Variants in AWAT2 observed in about 807,000 individuals in gnomAD.
AWAT2 encodes acyl-CoA wax alcohol acyltransferase 2, also known as 11-cis-RE-synthase.
Under a neutral mutation model 22.3 loss-of-function variants are expected in AWAT2, and 9 were observed. That is an observed-to-expected ratio of 0.40 (90% CI 0.24 to 0.70). The LOEUF (loss-of-function observed/expected upper bound fraction) is 0.70, where lower values mean the gene tolerates loss of function less well. AWAT2 is among the 30% of genes least tolerant of loss of function. AWAT2 has a pLI of 0.36. For synonymous variants in AWAT2, 100 were observed against 93.4 expected, an observed-to-expected ratio of 1.07 and a Z score of -0.40; for missense variants, 217 against 265.9, an observed-to-expected ratio of 0.82 and a Z score of 1.28.
In AWAT2 at chrX:70,044,465, G is replaced by A. The variant is rs766105601; in HGVS notation, c.86-3C>T. The A allele has an allele frequency of 9.9e-6, 12 of 1,207,706 alleles. No individual in the cohort carries two copies. Among genetic ancestry groups the A allele is most frequent in the Non-Finnish European group, 1.3e-5 (12 of 894,055 alleles). ...GTTGACAGCAATCACAGTGGTTGCT[G>A]CAGGAAGCCCAGACCAGAGTTAATG... On this transcript the variant is annotated splice_polypyrimidine_tract_variant and splice_region_variant and intron_variant, in intron 1 of 7. Coordinates refer to ENST00000276101, the MANE Select transcript of AWAT2 (RefSeq NM_001002254.1).
chrX:70,049,901 G>T lies in AWAT2; in HGVS notation c.32C>A (p.Thr11Asn). 1 of 1,211,844 alleles carries T rather than the reference G, an allele frequency of 8.3e-7. No homozygotes were observed. Among genetic ancestry groups the T allele is most frequent in the Non-Finnish European group, 1.1e-6 (1 of 895,549 alleles). MLLPSKKDLK[T>N]ALDVFAVFQW... ...GAAAACAGCAAAGACATCCAGGGCAGTCTTGAGGTCCTTCTTAGAGGGCAA... is the reference window on the plus strand; with the variant it reads ...GAAAACAGCAAAGACATCCAGGGCATTCTTGAGGTCCTTCTTAGAGGGCAA... The change falls in exon 1 of 8, where the codon ACT (threonine) becomes AAT (asparagine). Residue 11 changes from threonine (T) to asparagine (N), a missense_variant. Coordinates refer to ENST00000276101, the MANE Select transcript of AWAT2 (RefSeq NM_001002254.1).
intron 1 of AWAT2, among the ~76,000 whole-genome samples, chrX:70,048,392 A>G (rs751657745): frequency 3.9e-4 from 44 of 111,519 alleles, no homozygotes; most frequent in Non-Finnish European, 2.3e-4. Context: ...CAATAAATAT[A>G]TATCGAGCAC....
At position 70,041,363 on chromosome X, in the gene AWAT2, C is replaced by T. The variant is rs150133550; in HGVS notation, c.*295G>A. ...GCCCCAGTCCTACTCCTGTAGGAAG[C>T]AGGACTCAATGCCAGAAGATGGGGC... On this transcript the variant is annotated 3_prime_UTR_variant, in exon 8 of 8. Coordinates refer to ENST00000276101, the MANE Select transcript of AWAT2 (RefSeq NM_001002254.1). 0.016 allele frequency: 1,814 copies of T among 115,317 alleles called. 12 individuals carry two copies. Among genetic ancestry groups the T allele is most frequent in the Non-Finnish European group, 0.022 (1,246 of 55,499 alleles). The allele number at this position is 115,317 out of a possible 1,213,427, so 9.5% of individuals were successfully genotyped here. A position where few individuals can be genotyped will look rare whatever the true frequency, so the allele number is the denominator to read the frequency against.
intron 1 of AWAT2, among the ~76,000 whole-genome samples, chrX:70,047,494 A>ACAT: frequency 8.9e-6 from 1 of 111,932 alleles, no homozygotes; most frequent in South Asian, 3.8e-4. Context: ...AGTGCTGGGG[A>ACAT]CATCTTGTAA....
In AWAT2 at chrX:70,049,893, C is replaced by A. The variant is rs1156968883; in HGVS notation, c.40G>T (p.Asp14Tyr). The A allele has an allele frequency of 1.7e-6, 2 of 1,211,692 alleles. No homozygotes were observed. Among genetic ancestry groups the A allele is most frequent in the Non-Finnish European group, 1.1e-6 (1 of 895,495 alleles). Residue 14 changes from aspartate to tyrosine, a missense_variant, in exon 1 of 8, where the codon GAT (aspartate) becomes TAT (tyrosine). By Grantham distance (160) the Asp-to-Tyr change is radical (BLOSUM62 -3). Transcript: ENST00000276101. ...GACCACTGGAAAACAGCAAAGACAT[C>A]CAGGGCAGTCTTGAGGTCCTTCTTA... is the stretch of plus-strand genomic sequence containing the variant. The part of the protein sequence containing the change: ...PSKKDLKTAL[D>Y]VFAVFQWSFS...
In AWAT2 at chrX:70,049,830, C is replaced by A; in HGVS notation, c.85+18G>T. The A allele has an allele frequency of 8.3e-7, 1 of 1,210,145 alleles. No individual in the cohort carries two copies. The highest frequency in any genetic ancestry group is 1.8e-5 in the South Asian group (1 of 56,731). On this transcript the variant is annotated intron_variant, in intron 1 of 7. Coordinates refer to ENST00000276101, the MANE Select transcript of AWAT2 (RefSeq NM_001002254.1). ...AAGCCAGGATGGTTGGTCACCCTAC[C>A]AAAGGCTGAAGACTCACTGATAAGC...
chrX:70,042,065 C>A lies in AWAT2; in HGVS notation c.848-103G>T, dbSNP rs1446159116. On this transcript the variant is annotated intron_variant, in intron 6 of 7. Transcript: ENST00000276101. ...CCCAGACTCTTCCCCATCCTCACCT[C>A]AAAAAGCTGCCACTCATCCCAGCCA... The A allele has an allele frequency of 8.3e-6, 9 of 1,090,878 alleles. No individual in the cohort carries two copies. The African/African-American group carries it at 1.5e-4, about 18-fold the overall frequency. The allele number at this position is 1,090,878 out of a possible 1,213,427, so 89.9% of individuals were successfully genotyped here.
intron 1 of AWAT2, among the ~76,000 whole-genome samples, chrX:70,044,684 T>C (rs1456443956): frequency 2.7e-5 from 3 of 112,289 alleles, no homozygotes; most frequent in Non-Finnish European, 5.6e-5. Context: ...AGGGAAGGTG[T>C]CTTCTTCCCC....
At position 70,040,664 on chromosome X, in the gene AWAT2, C is replaced by T. The variant is rs1180656744; in HGVS notation, c.*994G>A. 2 of 112,417 alleles carry T rather than the reference C, an allele frequency of 1.8e-5. No homozygotes were observed. The highest frequency in any genetic ancestry group is 6.5e-5 in the African/African-American group (2 of 30,924). 9.3% of individuals were successfully genotyped at this position (112,417 alleles called of 1,213,427 possible). A position where few individuals can be genotyped will look rare whatever the true frequency, so the allele number is the denominator to read the frequency against. On this transcript the variant is annotated 3_prime_UTR_variant, in exon 8 of 8. Coordinates refer to ENST00000276101, the MANE Select transcript of AWAT2 (RefSeq NM_001002254.1). ...ACTGTATACAAATCATCACATGAGG[C>T]AGGCACCCAGGATAGAGGCAGCAGC...
intron 1 of AWAT2, among the ~76,000 whole-genome samples, chrX:70,046,206 T>A (rs1206374443): frequency 8.9e-6 from 1 of 112,003 alleles, no homozygotes; most frequent in East Asian, 2.8e-4. Context: ...TTCTAATAGA[T>A]AATAAAAGAA....
At chrX:70,043,328 G>A (rs1425688069) in intron 4 of AWAT2, 85 bp from the exon 5 acceptor site, 12 of 1,042,928 alleles carry the variant, frequency 1.2e-5, no homozygotes, top group Non-Finnish European at 1.6e-5. Flanking sequence ...GAGGGGGAGT[G>A]CAAGGAGCCT....
chrX:70,043,051 G>A lies in AWAT2; in HGVS notation c.647+18C>T, dbSNP rs1223863240. On this transcript the variant is annotated intron_variant, in intron 5 of 7. Coordinates refer to ENST00000276101, the MANE Select transcript of AWAT2 (RefSeq NM_001002254.1). ...CTTTTGGATCCCTTCCGCCAGCCTG[G>A]ACTGGAGCTGTCCTTACCCATGCTG... 11 of 1,167,123 alleles carry A rather than the reference G, an allele frequency of 9.4e-6. No individual in the cohort carries two copies. In the East Asian group the frequency reaches 3.4e-4, roughly 36 times the overall value.
chrX:70,043,613 C>T lies in AWAT2; in HGVS notation c.337G>A (p.Ala113Thr). 1 of 1,210,608 alleles carries T rather than the reference C, an allele frequency of 8.3e-7. No homozygotes were observed. ...ILVCHPHGLF[A>T]HGWFGHFATE... Reference sequence around the variant, plus strand: ...GCAAAGTGGCCAAACCATCCATGGGCAAAGAGCCCATGAGGGTGGCAGACG... The same window carrying T: ...GCAAAGTGGCCAAACCATCCATGGGTAAAGAGCCCATGAGGGTGGCAGACG... The change falls in exon 4 of 8, where the codon GCC (alanine) becomes ACC (threonine). Residue 113 changes from alanine (A) to threonine (T), a missense_variant. Coordinates refer to ENST00000276101, the MANE Select transcript of AWAT2 (RefSeq NM_001002254.1).
chrX:70,043,573 C>A lies in AWAT2; in HGVS notation c.377G>T (p.Gly126Val). ...WFGHFATEASGFSKIFPGITP... is the reference protein window; with the variant it reads ...WFGHFATEASVFSKIFPGITP... ...GATGCCAGGAAATATCTTGGAGAAG[C>A]CTGAGGCCTCTGTGGCAAAGTGGCC... The change falls in exon 4 of 8, where the codon GGC becomes GTC. Residue 126 changes from glycine to valine, a missense_variant. Physicochemically the swap from Gly to Val is moderately radical, Grantham distance 109 (BLOSUM62 -3). Transcript: ENST00000276101. 8.3e-7 allele frequency: 1 copy of A among 1,210,118 alleles called. No individual in the cohort carries two copies. Among genetic ancestry groups the A allele is most frequent in the South Asian group, 1.8e-5 (1 of 56,753 alleles).
chrX:70,042,763 T>C lies in AWAT2; in HGVS notation c.647+306A>G, dbSNP rs768126532. 136 of 402,534 alleles carry C rather than the reference T, an allele frequency of 3.4e-4. 1 individual carries two copies. In the East Asian group the frequency reaches 5.4e-3, roughly 16 times the overall value. 33.2% of individuals were successfully genotyped at this position (402,534 alleles called of 1,213,427 possible). On this transcript the variant is annotated intron_variant, in intron 5 of 7. Transcript: ENST00000276101. ...AGAGGGGCCGGCCCAGATGAGAGGC[T>C]GGTGTGAGGGAGAACAGGCTCAGGG... is the stretch of plus-strand genomic sequence containing the variant.
At chrX:70,048,082 C>A (rs777291986) in intron 1 of AWAT2, among the ~76,000 whole-genome samples, 2 of 107,286 alleles carry the variant, frequency 1.9e-5, no homozygotes, top group South Asian at 4.4e-4. Flanking sequence ...CTCTTCTTTC[C>A]TCTTCTCTGC....
chrX:70,041,608 A>G lies in AWAT2; in HGVS notation c.*50T>C. 1.5e-5 allele frequency: 6 copies of G among 405,826 alleles called. No homozygotes were observed. The highest frequency in any genetic ancestry group is 2.5e-5 in the Non-Finnish European group (6 of 241,151). The allele number at this position is 405,826 out of a possible 1,213,427, so 33.4% of individuals were successfully genotyped here. A position where few individuals can be genotyped will look rare whatever the true frequency, so the allele number is the denominator to read the frequency against. On this transcript the variant is annotated 3_prime_UTR_variant, in exon 8 of 8. Transcript: ENST00000276101. ...ACTATCTCACCAGTAGCTGCAAAGA[A>G]AGGGCAGAAAAGAGCTGGAAGGAAA...
intron 1 of AWAT2, among the ~76,000 whole-genome samples, chrX:70,046,605 A>T (rs1480634075): frequency 9.0e-6 from 1 of 111,036 alleles, no homozygotes; most frequent in African/African-American, 3.3e-5. Flanking sequence ...GGGTTTCACC[A>T]TGTTGGCCAG....
At chrX:70,048,536 A>G (rs983455176) in intron 1 of AWAT2, among the ~76,000 whole-genome samples, 3 of 111,690 alleles carry the variant, frequency 2.7e-5, no homozygotes, top group African/African-American at 9.8e-5. Flanking sequence ...TTCTTCACCT[A>G]TTTCCTATTT....
Sources: gnomAD v4.1 joint callset for allele counts (sites outside exome capture counted in the v4.1 genomes callset) on GRCh38, gnomAD v4.1.1 for gene constraint, MANE v1.5 for transcripts, NCBI Gene and HGNC (gene_info 2026-07-23, HGNC 2026-07-21) for gene names.